LRRC69: variants seen among roughly 807,000 people sequenced by gnomAD.
LRRC69 encodes leucine-rich repeat-containing protein 69.
In LRRC69, 42 loss-of-function variants were observed where a neutral mutation model predicts 37.8. The observed-to-expected ratio is 1.11, with a 90% CI of 0.87 to 1.44. The LOEUF (loss-of-function observed/expected upper bound fraction) is 1.44. Ranked by LOEUF, LRRC69 falls within the 40% of genes most tolerant of loss-of-function variation. LRRC69 has a pLI of 0.00. For missense variants in LRRC69, 357 were observed against 401.9 expected (o/e 0.89, Z 0.96); for synonymous variants, 141 against 143.1 (o/e 0.99, Z 0.11).
intron 5 of LRRC69, 145 bp downstream of exon 5, chr8:91,135,884 C>T (rs949170778): frequency 2.1e-6 from 1 of 471,286 alleles, no homozygotes; most frequent in Admixed American, 4.5e-5. Flanking sequence ...TTTAGAATTT[C>T]AAAACCTGTT....
At chr8:91,135,811 G>A (rs1250553768) in intron 5 of LRRC69, 72 bp downstream of exon 5, 2 of 744,844 alleles carry the variant, frequency 2.7e-6, no homozygotes, top group Non-Finnish European at 4.0e-6. Context: ...AAAAAATATG[G>A]GCAGACAGTA....
At chr8:91,188,553 G>A (rs1809440477) in intron 5 of LRRC69, among the ~76,000 whole-genome samples, 1 of 152,120 alleles carries the variant, frequency 6.6e-6, no homozygotes, top group Admixed American at 6.5e-5. Flanking sequence ...TGGTTTACCA[G>A]CATACTACTT....
intron 7 of LRRC69, among the ~76,000 whole-genome samples, chr8:91,211,754 T>C (rs1809929890): frequency 1.3e-5 from 2 of 151,840 alleles, no homozygotes. Context: ...GAGAACATAT[T>C]TGATAATGCC....
rs541502274 is a variant in LRRC69 at position 91,160,547 on chromosome 8, T to G, written c.651+24808T>G. On this transcript the variant is annotated intron_variant, in intron 5 of 7. Coordinates refer to ENST00000448384, the Ensembl canonical transcript of LRRC69. ...GGTGCAGATTTACCCCCTACTGTTC[T>G]TGTGATAGTGAGTTCTTATGAGATC... 1.8e-4 allele frequency among the ~76,000 whole-genome samples: 27 copies of G among 151,208 alleles called. No homozygotes were observed. In the South Asian group the frequency reaches 4.6e-3, roughly 26 times the overall value.
At chr8:91,190,760 A>G (rs1328911899) in intron 6 of LRRC69, among the ~76,000 whole-genome samples, 1 of 152,136 alleles carries the variant, frequency 6.6e-6, no homozygotes, top group Non-Finnish European at 1.5e-5. Flanking sequence ...AGCCTTTATA[A>G]ACAAAGATAC....
intron 1 of LRRC69, among the ~76,000 whole-genome samples, chr8:91,106,475 A>G (rs753123119): frequency 6.6e-6 from 1 of 152,022 alleles, no homozygotes; most frequent in South Asian, 2.1e-4. Context: ...AACAACATCA[A>G]CCATTCACTG....
intron 7 of LRRC69, among the ~76,000 whole-genome samples, chr8:91,214,661 T>C (rs1000096778): frequency 5.3e-5 from 8 of 152,178 alleles, no homozygotes; most frequent in African/African-American, 1.9e-4. Flanking sequence ...CAGTCTCTTC[T>C]AGCATGAAAA....
intron 5 of LRRC69, among the ~76,000 whole-genome samples, chr8:91,144,694 C>T (rs1276880657): frequency 1.3e-5 from 2 of 151,488 alleles, no homozygotes; most frequent in Non-Finnish European, 2.9e-5. Context: ...TGATTTTGAT[C>T]CACACCAGTC....
At chr8:91,139,500 C>T (rs1808495787) in intron 5 of LRRC69, among the ~76,000 whole-genome samples, 1 of 134,708 alleles carries the variant, frequency 7.4e-6, no homozygotes, top group African/African-American at 2.8e-5. Context: ...GTTGCGAACT[C>T]CTGACCTGAG....
intron 5 of LRRC69, among the ~76,000 whole-genome samples, chr8:91,177,610 A>G (rs1449378822): frequency 6.6e-6 from 1 of 152,184 alleles, no homozygotes; most frequent in Non-Finnish European, 1.5e-5. Context: ...ACTGCTGCAC[A>G]TGGTACTCAA....
chr8:91,218,642 A>G (rs58197746), intron 7 of LRRC69, among the ~76,000 whole-genome samples: 3,830 of 152,220 alleles, frequency 0.025, 174 homozygotes, highest in African/African-American at 0.086. Context: ...TAGACTACAT[A>G]ATGATATGTT....
At chr8:91,124,535 C>A in exon 2 of LRRC69, 1 of 1,541,348 alleles carries the variant, frequency 6.5e-7, no homozygotes, top group Non-Finnish European at 8.8e-7. Flanking sequence ...AGAAGAAGTT[C>A]CGGAAGAGAT....
At chr8:91,185,106 A>G (rs1163742849) in intron 5 of LRRC69, among the ~76,000 whole-genome samples, 1 of 152,190 alleles carries the variant, frequency 6.6e-6, no homozygotes, top group Admixed American at 6.5e-5. Context: ...AGGTAGTTCA[A>G]GGGCAGAAAT....
intron 6 of LRRC69, 76 bp downstream of exon 6, chr8:91,189,699 C>T (rs1245493000): frequency 2.0e-6 from 2 of 987,454 alleles, no homozygotes; most frequent in Admixed American, 2.5e-5. Flanking sequence ...TCTTTTAAAA[C>T]ATTCTTGCCA....
rs147302536 is a variant in LRRC69 at position 91,163,948 on chromosome 8, A to G, written c.652-25574A>G. 2.9e-3 allele frequency among the ~76,000 whole-genome samples: 443 copies of G among 151,632 alleles called. 5 individuals are homozygous for G. Among genetic ancestry groups the G allele is most frequent in the Admixed American group, 5.8e-3 (88 of 15,174 alleles). ...CAAGCCAAATCAAAAATAAAAATTC[A>G]GCTCTTGACTGAGAAGGTATCTCAA... On this transcript the variant is annotated intron_variant, in intron 5 of 7. Coordinates refer to ENST00000448384, the Ensembl canonical transcript of LRRC69.
At chr8:91,218,822 A>T in intron 7 of LRRC69, 68 bp from the exon 8 acceptor site, 1 of 982,948 alleles carries the variant, frequency 1.0e-6, no homozygotes, top group Non-Finnish European at 1.5e-6. Context: ...GAGAAAGCAA[A>T]TATTTATTTT....
exon 1 of LRRC69, chr8:91,102,826 G>A (rs1813244367): frequency 6.5e-7 from 1 of 1,546,916 alleles, no homozygotes; most frequent in Admixed American, 2.0e-5. Context: ...TGTGTCCAGA[G>A]TTATGCAACT....
Position 91,133,313 on chromosome 8 carries a change from A to G in LRRC69, c.579+8A>G. On this transcript the variant is annotated splice_region_variant and intron_variant, in intron 4 of 7. Coordinates refer to ENST00000448384, the Ensembl canonical transcript of LRRC69. ...ATTGGAGTTTTGCCGGAGGTAAGCA[A>G]AACATGGAACCACAGTAGTTTGCTG... The G allele has an allele frequency of 6.7e-7, 1 of 1,498,356 alleles. No homozygotes were observed. Among genetic ancestry groups the G allele is most frequent in the Non-Finnish European group, 8.8e-7 (1 of 1,130,566 alleles). The allele number at this position is 1,498,356 out of a possible 1,614,324, so 92.8% of individuals were successfully genotyped here.
chr8:91,188,835 G>GTTTT, intron 5 of LRRC69, among the ~76,000 whole-genome samples: 1 of 139,206 alleles, frequency 7.2e-6, no homozygotes, highest in African/African-American at 2.6e-5. Flanking sequence ...TCCGTCTTCT[G>GTTTT]TTTTTTTTTT....
Sources: gnomAD v4.1 joint callset for allele counts (sites outside exome capture counted in the v4.1 genomes callset) on GRCh38, gnomAD v4.1.1 for gene constraint, MANE v1.5 for transcripts, NCBI Gene and HGNC (gene_info 2026-07-23, HGNC 2026-07-21) for gene names.